PIP4K2A: variants seen among roughly 807,000 people sequenced by gnomAD.
The protein encoded by PIP4K2A is phosphatidylinositol 5-phosphate 4-kinase type-2 alpha.
Under a neutral mutation model 42.9 loss-of-function variants are expected in PIP4K2A, and 14 were observed. That is an observed-to-expected ratio of 0.33 (90% CI 0.22 to 0.51). The LOEUF (loss-of-function observed/expected upper bound fraction) is 0.51, where lower values mean the gene tolerates loss of function less well. Among genes scored for constraint, PIP4K2A ranks in the 20% least tolerant of loss-of-function variants. The pLI is 0.97. For synonymous variants in PIP4K2A, 192 were observed against 192.2 expected (o/e 1.00, Z 0.01); for missense variants, 434 against 519.8 (o/e 0.83, Z 1.61).
chr10:22,677,598 G>C (rs993690467), intron 1 of PIP4K2A, among the ~76,000 whole-genome samples: 3 of 152,216 alleles, frequency 2.0e-5, no homozygotes, highest in Admixed American at 1.3e-4. Flanking sequence ...TGGAAACTGA[G>C]TGATGGGTTC....
intron 3 of PIP4K2A, among the ~76,000 whole-genome samples, chr10:22,600,757 A>AC (rs1366917257): frequency 6.6e-6 from 1 of 152,000 alleles, no homozygotes; most frequent in African/African-American, 2.4e-5. Context: ...TGGTCCTCTG[A>AC]CCCCGCCAGA....
rs1029443866 is a variant in PIP4K2A at position 22,714,352 on chromosome 10, G to A, written c.-26C>T. 6.5e-7 allele frequency: 1 copy of A among 1,530,550 alleles called. No homozygotes were observed. The highest frequency in any genetic ancestry group is 8.8e-7 in the Non-Finnish European group (1 of 1,135,440). 94.8% of individuals were successfully genotyped at this position (1,530,550 alleles called of 1,614,324 possible). ...GGCCGCCTCCTATGTCCCCTCCACC[G>A]CCGTGCTCCCGAGGCCGGGGACCCG... On this transcript the variant is annotated 5_prime_UTR_variant, in exon 1 of 10. Transcript: ENST00000376573.
intron 1 of PIP4K2A, among the ~76,000 whole-genome samples, chr10:22,699,087 T>G (rs1157640631): frequency 1.3e-5 from 2 of 152,172 alleles, no homozygotes; most frequent in African/African-American, 4.8e-5. Context: ...TCCTAACCTA[T>G]TTTTTTAATG....
chr10:22,549,336 C>T (rs4748811), intron 7 of PIP4K2A, among the ~76,000 whole-genome samples: 6 of 151,334 alleles, frequency 4.0e-5, no homozygotes, highest in Non-Finnish European at 5.9e-5. Context: ...CTGTGGCTTT[C>T]GTCATTTTCT....
chr10:22,689,256 G>T (rs1839816292), intron 1 of PIP4K2A, among the ~76,000 whole-genome samples: 1 of 151,572 alleles, frequency 6.6e-6, no homozygotes, highest in African/African-American at 2.4e-5. Context: ...TTACTTCTGA[G>T]CACTCAGTTA....
At chr10:22,561,051 A>G (rs1020778043) in intron 6 of PIP4K2A, among the ~76,000 whole-genome samples, 2 of 152,254 alleles carry the variant, frequency 1.3e-5, no homozygotes, top group Admixed American at 6.5e-5. Context: ...CGCAGCTGTG[A>G]AAAGATCGAC....
chr10:22,570,355 G>A (rs1836955626), intron 5 of PIP4K2A, among the ~76,000 whole-genome samples: 1 of 152,230 alleles, frequency 6.6e-6, no homozygotes, highest in African/African-American at 2.4e-5. Context: ...GACTTTAGAG[G>A]TCACTCTGGC....
At chr10:22,557,186 G>C (rs1836576391) in intron 6 of PIP4K2A, among the ~76,000 whole-genome samples, 1 of 152,172 alleles carries the variant, frequency 6.6e-6, no homozygotes, top group Non-Finnish European at 1.5e-5. Context: ...ACAAAGTTCA[G>C]AGCCCTCATT....
At chr10:22,616,785 CAGCTGTGGT>C (rs1838185937) in intron 1 of PIP4K2A, among the ~76,000 whole-genome samples, 1 of 151,984 alleles carries the variant, frequency 6.6e-6, no homozygotes, top group Non-Finnish European at 1.5e-5. Flanking sequence ...ACAATTACAC[CAGCTGTGGT>C]ATAATAGCAC....
chr10:22,550,921 TAGG>T lies in PIP4K2A; in HGVS notation c.679-152_679-150del, dbSNP rs1836395839. 8.1e-6 allele frequency: 5 copies of T among 618,360 alleles called. No individual in the cohort carries two copies. The South Asian group carries it at 9.7e-5, about 12-fold the overall frequency. 38.3% of individuals were successfully genotyped at this position (618,360 alleles called of 1,614,324 possible). On this transcript the variant is annotated intron_variant, in intron 6 of 9. Coordinates refer to ENST00000376573, the MANE Select transcript of PIP4K2A (RefSeq NM_005028.5). ...CAGGGGTCTTACCCAAACAATAAAA[TAGG>T]AGAAGGCTTGAATACCACCGGGGGG...
chr10:22,627,588 TAATAAAAAAAAAAAAAA>T (rs1564448267), intron 1 of PIP4K2A, among the ~76,000 whole-genome samples: 5 of 38,924 alleles, frequency 1.3e-4, no homozygotes, highest in African/African-American at 2.2e-4. Context: ...AGCTAATATG[TAATAAAAAAAAAAAAAA>T]AAAAAAAAAA....
intron 4 of PIP4K2A, among the ~76,000 whole-genome samples, chr10:22,575,558 T>C (rs746325547): frequency 6.6e-6 from 1 of 152,098 alleles, no homozygotes; most frequent in African/African-American, 2.4e-5. Context: ...TGTCCCCCCT[T>C]AGGAAAAAAC....
rs962625853 is a variant in PIP4K2A at position 22,537,115 on chromosome 10, T to C, written c.*86A>G. On this transcript the variant is annotated 3_prime_UTR_variant, in exon 10 of 10. Transcript: ENST00000376573. ...GGTTTGCTTCCTGCAAGATGAGTAC[T>C]TCACTGAGTTTGGTTTTCATTTTTC... 2 of 998,528 alleles carry C rather than the reference T, an allele frequency of 2.0e-6. No homozygotes were observed. The highest frequency in any genetic ancestry group is 1.6e-5 in the African/African-American group (1 of 61,420). 61.9% of individuals were successfully genotyped at this position (998,528 alleles called of 1,614,324 possible). A position where few individuals can be genotyped will look rare whatever the true frequency, so the allele number is the denominator to read the frequency against.
chr10:22,696,154 C>T (rs1417299343), intron 1 of PIP4K2A, among the ~76,000 whole-genome samples: 1 of 152,202 alleles, frequency 6.6e-6, no homozygotes, highest in Admixed American at 6.5e-5. Context: ...AGTACAACCA[C>T]CTCAGCCAAC....
In PIP4K2A at chr10:22,566,269, T is replaced by C. The variant is rs369310099; in HGVS notation, c.678+1582A>G. On this transcript the variant is annotated intron_variant, in intron 6 of 9. Coordinates refer to ENST00000376573, the MANE Select transcript of PIP4K2A (RefSeq NM_005028.5). ...GCTTTAAAATTTCTCTCTTTTGTACTCTGTCCCTTTATTTCTCAAGCCGGC... is the reference window on the plus strand; with the variant it reads ...GCTTTAAAATTTCTCTCTTTTGTACCCTGTCCCTTTATTTCTCAAGCCGGC... 2.4e-3 allele frequency among the ~76,000 whole-genome samples: 365 copies of C among 152,278 alleles called. 1 individual carries two copies. The highest frequency in any genetic ancestry group is 8.4e-3 in the African/African-American group (351 of 41,548).
At chr10:22,705,152 G>A (rs1358303110) in intron 1 of PIP4K2A, among the ~76,000 whole-genome samples, 1 of 152,006 alleles carries the variant, frequency 6.6e-6, no homozygotes, top group Non-Finnish European at 1.5e-5. Context: ...TGAAAAGGAA[G>A]AAATGACTTC....
chr10:22,588,908 C>T (rs1281568793), intron 4 of PIP4K2A, among the ~76,000 whole-genome samples: 2 of 152,166 alleles, frequency 1.3e-5, no homozygotes, highest in Admixed American at 1.3e-4. Context: ...AGCAGTGGAA[C>T]AGAAGGAAGT....
At chr10:22,586,952 T>C (rs894403072) in intron 4 of PIP4K2A, among the ~76,000 whole-genome samples, 1 of 152,066 alleles carries the variant, frequency 6.6e-6, no homozygotes, top group African/African-American at 2.4e-5. Flanking sequence ...CCAAGAGGTG[T>C]CAAAAGTATA....
At chr10:22,672,289 G>C (rs972304319) in intron 1 of PIP4K2A, among the ~76,000 whole-genome samples, 2 of 150,656 alleles carry the variant, frequency 1.3e-5, no homozygotes, top group Non-Finnish European at 3.0e-5. Flanking sequence ...GACAGTGTGG[G>C]GGGGGATTGT....
Sources: gnomAD v4.1 joint callset for allele counts (sites outside exome capture counted in the v4.1 genomes callset) on GRCh38, gnomAD v4.1.1 for gene constraint, MANE v1.5 for transcripts, NCBI Gene and HGNC (gene_info 2026-07-23, HGNC 2026-07-21) for gene names.